Variants in VEZT observed in about 807,000 individuals in gnomAD.
VEZT encodes the protein vezatin.
A neutral mutation model predicts 79.9 loss-of-function variants in VEZT; 39 were observed. The observed-to-expected ratio is 0.49, with a 90% CI of 0.38 to 0.64. VEZT has a LOEUF of 0.64. VEZT is among the 30% of genes least tolerant of loss of function. The pLI, the probability that VEZT is intolerant of heterozygous loss-of-function variation, is 0.00. For synonymous variants in VEZT, 325 were observed against 327.6 expected, an observed-to-expected ratio of 0.99 and a Z score of 0.09; for missense variants, 837 against 893.1, an observed-to-expected ratio of 0.94 and a Z score of 0.80.
chr12:95,275,317 G>A (rs2067428577), intron 7 of VEZT, among the ~76,000 whole-genome samples: 2 of 152,116 alleles, frequency 1.3e-5, no homozygotes, highest in Admixed American at 1.3e-4. Context: ...TTTTGGGCTG[G>A]CCGGGTGGCT....
At chr12:95,280,748 T>C (rs919148824) in intron 7 of VEZT, among the ~76,000 whole-genome samples, 2 of 152,206 alleles carry the variant, frequency 1.3e-5, no homozygotes, top group African/African-American at 4.8e-5. Flanking sequence ...TATCTGCACC[T>C]AGAACAGTGC....
At position 95,270,061 on chromosome 12, in the gene VEZT, G is replaced by C. The variant is rs781111298; in HGVS notation, c.721G>C (p.Ala241Pro). The C allele has an allele frequency of 6.2e-7, 1 of 1,610,934 alleles. No homozygotes were observed. The highest frequency in any genetic ancestry group is 8.5e-7 in the Non-Finnish European group (1 of 1,178,550). The change falls in exon 6 of 12, where the codon GCT (alanine) becomes CCT (proline). Residue 241 changes from alanine (A) to proline (P), a missense_variant. By Grantham distance (27) the Ala-to-Pro change is conservative. Transcript: ENST00000436874. ...AAGTTTGCTTGACAGGGTCAGTGCT[G>C]CTTGCCCATTTAATAAAGCTGGACA... ...ISRGFTLVSAACPFNKAGQHP... is the reference protein window; with the variant it reads ...ISRGFTLVSAPCPFNKAGQHP...
chr12:95,218,026 C>A, intron 1 of VEZT, 140 bp downstream of exon 1: 1 of 806,934 alleles, frequency 1.2e-6, no homozygotes, highest in Non-Finnish European at 1.8e-6. Context: ...CCAGCGATTT[C>A]AGGGCCTAGA....
rs1447636371 is a variant in VEZT at position 95,300,373 on chromosome 12, A to C, written c.2040A>C (p.Glu680Asp). 1 of 1,613,820 alleles carries C rather than the reference A, an allele frequency of 6.2e-7. No homozygotes were observed. The highest frequency in any genetic ancestry group is 1.7e-5 in the Admixed American group (1 of 59,974). ...EGKNKDNSSN[E>D]VFPQGAEERM... ...AAAATAAAGATAATTCTTCAAATGAAGTCTTCCCCCAAGGAGCAGAAGAAA... is the reference window on the plus strand; with the variant it reads ...AAAATAAAGATAATTCTTCAAATGACGTCTTCCCCCAAGGAGCAGAAGAAA... Residue 680 changes from glutamate (E) to aspartate (D), a missense_variant, in exon 12 of 12, where the codon GAA (glutamate) becomes GAC (aspartate). Transcript: ENST00000436874.
Position 95,282,341 on chromosome 12 carries a change from G to A in VEZT, c.1025G>A (p.Ser342Asn). Residue 342 changes from serine (S) to asparagine (N), a missense_variant, in exon 8 of 12, where the codon AGT becomes AAT. By Grantham distance (46) the Ser-to-Asn change is conservative. Transcript: ENST00000436874. ...KVLFQLWVAQ[S>N]SEFFRRLALL... is the part of the protein sequence containing the mutation. ...TTGTTCCAACTCTGGGTGGCACAGAGTTCAGAGTTCTTCAGACGGTTAGCC... is the reference window on the plus strand; with the variant it reads ...TTGTTCCAACTCTGGGTGGCACAGAATTCAGAGTTCTTCAGACGGTTAGCC... The A allele has an allele frequency of 6.2e-7, 1 of 1,613,574 alleles. No homozygotes were observed. Among genetic ancestry groups the A allele is most frequent in the East Asian group, 2.2e-5 (1 of 44,882 alleles).
Position 95,296,138 on chromosome 12 carries a change from A to T in VEZT, c.1711A>T (p.Arg571Ter). 6.4e-7 allele frequency: 1 copy of T among 1,568,398 alleles called. No homozygotes were observed. The change falls in exon 11 of 12, where the codon AGA (arginine) becomes TGA (stop). Residue 571 changes from arginine (R) to a stop codon, truncating the protein, a stop_gained. Coordinates refer to ENST00000436874, the MANE Select transcript of VEZT (RefSeq NM_017599.4). LOFTEE classifies it high-confidence loss of function. ...FYYLSQEDKE[R>*]QKREHEESKR... The stretch of plus-strand genomic sequence containing the variant: ...TTACTTGTCTCAAGAAGACAAAGAG[A>T]GACAGAAGCGTGAGCATGAAGAATC...
rs2061675348 is a variant in VEZT at position 95,246,106 on chromosome 12, T to C, written c.37-5834T>C. Among the ~76,000 whole-genome samples the C allele has an allele frequency of 5.3e-5, 8 of 152,150 alleles. No individual in the cohort carries two copies. The South Asian group carries it at 1.7e-3, about 32-fold the overall frequency. On this transcript the variant is annotated intron_variant, in intron 1 of 11. Coordinates refer to ENST00000436874, the MANE Select transcript of VEZT (RefSeq NM_017599.4). ...GACTTTATACATCTGGGAGATCTGA[T>C]ATCTTTTCTTTTTTTTCTTTTTCTT...
intron 8 of VEZT, chr12:95,286,379 T>C (rs947640234): frequency 2.4e-5 from 12 of 496,900 alleles, no homozygotes; most frequent in African/African-American, 2.4e-4. Flanking sequence ...GGATACTTCA[T>C]ATTTGCCTTT....
rs140000740 is a variant in VEZT, at chr12:95,239,948, AAGAG to A, written c.37-11961_37-11958del. Among the ~76,000 whole-genome samples the A allele has an allele frequency of 8.1e-3, 965 of 119,844 alleles. 21 individuals carry two copies. Among genetic ancestry groups the A allele is most frequent in the Admixed American group, 0.027 (291 of 10,948 alleles). 78.6% of individuals were successfully genotyped at this position (119,844 alleles called of 152,430 possible). ...GCCTGAGCAACAGAGGGAGACTCGA[AAGAG>A]AGAGAGAGAGAGAGAGAGAGAGAGA... On this transcript the variant is annotated intron_variant, in intron 1 of 11. Transcript: ENST00000436874.
chr12:95,269,836 T>A lies in VEZT; in HGVS notation c.711-215T>A, dbSNP rs895710366. 6 of 399,940 alleles carry A rather than the reference T, an allele frequency of 1.5e-5. No individual in the cohort carries two copies. In the South Asian group the frequency reaches 3.2e-4, roughly 21 times the overall value. 24.8% of individuals were successfully genotyped at this position (399,940 alleles called of 1,614,324 possible). A position where few individuals can be genotyped will look rare whatever the true frequency, so the allele number is the denominator to read the frequency against. ...AGATGTTAATTTTTTGTCTTTTTTT[T>A]AGTGGTTGTCTATATATACATATAT... On this transcript the variant is annotated intron_variant, in intron 5 of 11. Coordinates refer to ENST00000436874, the MANE Select transcript of VEZT (RefSeq NM_017599.4).
At chr12:95,273,506 A>G (rs2067045944) in intron 6 of VEZT, among the ~76,000 whole-genome samples, 1 of 152,228 alleles carries the variant, frequency 6.6e-6, no homozygotes, top group Non-Finnish European at 1.5e-5. Context: ...AGAGGTGGAA[A>G]GTAGTTTTTG....
chr12:95,237,124 G>T (rs1453091251), intron 1 of VEZT, among the ~76,000 whole-genome samples: 1 of 152,038 alleles, frequency 6.6e-6, no homozygotes, highest in East Asian at 1.9e-4. Flanking sequence ...CAATATGATG[G>T]GGTAGGTAAC....
intron 6 of VEZT, 104 bp from the exon 7 acceptor site, chr12:95,274,638 C>A: frequency 2.3e-6 from 3 of 1,285,906 alleles, no homozygotes; most frequent in South Asian, 2.1e-5. Flanking sequence ...CCTCCTCATC[C>A]AAAAGTTCAG....
chr12:95,295,123 T>A (rs2073852648), intron 10 of VEZT, among the ~76,000 whole-genome samples: 1 of 152,178 alleles, frequency 6.6e-6, no homozygotes, highest in Admixed American at 6.5e-5. Flanking sequence ...TCAAGAAACA[T>A]ATCTGCAACA....
intron 7 of VEZT, among the ~76,000 whole-genome samples, chr12:95,280,968 C>T (rs1342497417): frequency 6.6e-6 from 1 of 152,106 alleles, no homozygotes; most frequent in Non-Finnish European, 1.5e-5. Context: ...AATAGATATA[C>T]ATGAAATAAT....
At chr12:95,300,133 TTTTTTTC>T (rs1435701220) in intron 11 of VEZT, 25 bp from the exon 12 acceptor site, 3 of 1,317,854 alleles carry the variant, frequency 2.3e-6, no homozygotes, top group Admixed American at 3.3e-5. Flanking sequence ...CCTTAGTTAT[TTTTTTTC>T]TTTTTTCTTT....
At chr12:95,281,745 C>G (rs1237678840) in intron 7 of VEZT, among the ~76,000 whole-genome samples, 5 of 151,966 alleles carry the variant, frequency 3.3e-5, no homozygotes, top group African/African-American at 4.8e-5. Flanking sequence ...GAGGTTTCAC[C>G]ATGTTGGCCA....
intron 1 of VEZT, among the ~76,000 whole-genome samples, chr12:95,237,576 C>T (rs1360657982): frequency 6.6e-6 from 1 of 152,208 alleles, no homozygotes; most frequent in Non-Finnish European, 1.5e-5. Flanking sequence ...CATTACCAAA[C>T]ACTCACCACG....
At chr12:95,255,584 A>G (rs981654200) in intron 2 of VEZT, among the ~76,000 whole-genome samples, 3 of 152,064 alleles carry the variant, frequency 2.0e-5, no homozygotes, top group Non-Finnish European at 2.9e-5. Flanking sequence ...GGTGCCCACC[A>G]CCACGCCCGG....
Sources: gnomAD v4.1 joint callset for allele counts (sites outside exome capture counted in the v4.1 genomes callset) on GRCh38, gnomAD v4.1.1 for gene constraint, MANE v1.5 for transcripts, NCBI Gene and HGNC (gene_info 2026-07-23, HGNC 2026-07-21) for gene names.